The following ADGRG4 variants were observed in gnomAD, a reference collection of about 807,000 sequenced individuals.
ADGRG4 encodes G protein-coupled receptor 112.
A neutral mutation model predicts 126.2 loss-of-function variants in ADGRG4; 122 were observed. The ratio of observed to expected loss-of-function variants is 0.97; its 90% CI spans 0.83 to 1.12. The LOEUF is 1.12. Ranked by LOEUF, ADGRG4 falls within the 50% of genes most tolerant of loss-of-function variation. ADGRG4 has a pLI of 0.00. For missense variants in ADGRG4, 2,481 were observed against 2,251.8 expected, an observed-to-expected ratio of 1.10 and a Z score of -2.06; for synonymous variants, 943 against 838.7, an observed-to-expected ratio of 1.12 and a Z score of -2.15.
At chrX:136,322,006 G>C (rs1001528080) in intron 4 of ADGRG4, among the ~76,000 whole-genome samples, 1 of 111,912 alleles carries the variant, frequency 8.9e-6, no homozygotes, top group Non-Finnish European at 1.9e-5. Context: ...AGGAGGGTAA[G>C]TTACTTGCTC....
At position 136,348,479 on chromosome X, in the gene ADGRG4, A is replaced by G. The variant is rs750850777; in HGVS notation, c.4773A>G (p.Leu1591=). ...CAAGAGTTGGGTTATTCTCTACTTT[A>G]TTGTCTTCAGTTACCCCCAGGACTA... is the stretch of plus-strand genomic sequence containing the variant. ...TSTRVGLFST[L]LSSVTPRTTM... Residue 1591 remains leucine, a synonymous_variant, in exon 6 of 26, where the codon TTA becomes TTG. Transcript: ENST00000394143. 1 of 1,209,666 alleles carries G rather than the reference A, an allele frequency of 8.3e-7. No homozygotes were observed. Among genetic ancestry groups the G allele is most frequent in the South Asian group, 1.8e-5 (1 of 56,900 alleles).
intron 7 of ADGRG4, among the ~76,000 whole-genome samples, chrX:136,352,562 T>G (rs1311701392): frequency 9.0e-6 from 1 of 111,620 alleles, no homozygotes; most frequent in Non-Finnish European, 1.9e-5. Flanking sequence ...AGAAGTAAAT[T>G]TTAAGGCACT....
At chrX:136,322,456 C>T (rs2074844832) in intron 4 of ADGRG4, among the ~76,000 whole-genome samples, 1 of 111,630 alleles carries the variant, frequency 9.0e-6, no homozygotes, top group Admixed American at 9.5e-5. Flanking sequence ...TTGGCCTCTT[C>T]CCTACCCTTT....
At chrX:136,389,102 T>G (rs1455596120) in intron 16 of ADGRG4, among the ~76,000 whole-genome samples, 9 of 111,781 alleles carry the variant, frequency 8.1e-5, no homozygotes, top group Non-Finnish European at 3.8e-5. Context: ...TAAGACTTTC[T>G]GTTCCCCTGG....
chrX:136,321,104 C>T (rs1461307485), intron 4 of ADGRG4, among the ~76,000 whole-genome samples: 1 of 111,750 alleles, frequency 8.9e-6, no homozygotes, highest in Non-Finnish European at 1.9e-5. Context: ...AGGCAGTTAA[C>T]CAACAATAAT....
chrX:136,406,085 A>C, intron 23 of ADGRG4, 113 bp downstream of exon 23: 1 of 793,831 alleles, frequency 1.3e-6, no homozygotes, highest in Non-Finnish European at 1.8e-6. Flanking sequence ...AGTCTTCATT[A>C]AATGCACCCA....
chrX:136,357,859 G>A, intron 10 of ADGRG4, 103 bp downstream of exon 10: 1 of 529,054 alleles, frequency 1.9e-6, no homozygotes, highest in East Asian at 3.5e-5. Flanking sequence ...GTTGTCAGAA[G>A]AAGATCAAAG....
chrX:136,404,942 C>T (rs1421683367), intron 22 of ADGRG4, among the ~76,000 whole-genome samples: 1 of 112,199 alleles, frequency 8.9e-6, no homozygotes, highest in Non-Finnish European at 1.9e-5. Flanking sequence ...GCTAAGTTGA[C>T]ACACAGTTAA....
intron 25 of ADGRG4, among the ~76,000 whole-genome samples, chrX:136,416,105 A>G (rs1199564109): frequency 8.9e-6 from 1 of 112,099 alleles, no homozygotes; most frequent in Non-Finnish European, 1.9e-5. Context: ...AAGAATATCA[A>G]ATATGTAAGG....
intron 14 of ADGRG4, among the ~76,000 whole-genome samples, chrX:136,371,803 A>G (rs1255895376): frequency 9.0e-6 from 1 of 111,709 alleles, no homozygotes; most frequent in Admixed American, 9.5e-5. Flanking sequence ...TAAAATATAC[A>G]TTGATGTTCA....
chrX:136,380,577 T>TTCTTCTTCC (rs1405306693), intron 15 of ADGRG4, among the ~76,000 whole-genome samples: 3 of 84,106 alleles, frequency 3.6e-5, no homozygotes, highest in African/African-American at 1.4e-4. Flanking sequence ...CCTCTTCTTC[T>TTCTTCTTCC]TCCTCCTCCT....
Position 136,359,290 on chromosome X carries a change from AGTTGT to A in ADGRG4, c.6983_6987del (p.Cys2328LeufsTer15), listed in dbSNP as rs1365522410. The A allele has an allele frequency of 1.4e-5, 17 of 1,198,046 alleles. No homozygotes were observed. Among genetic ancestry groups the A allele is most frequent in the Non-Finnish European group, 1.9e-5 (17 of 889,564 alleles). On this transcript the variant is annotated splice_acceptor_variant and coding_sequence_variant, in exon 11 of 26. Transcript: ENST00000394143. LOFTEE classifies it high-confidence loss of function. ...ATCTTTCTTTTTTATTCTGCTTTGT[AGTTGT>A]GTTTGTCAGGTCATCATAAAAGCCA...
In ADGRG4 at chrX:136,349,153, C is replaced by T; in HGVS notation, c.5447C>T (p.Thr1816Ile). The stretch of plus-strand genomic sequence containing the variant: ...ACAAACTATGCCACATCTTTGAATA[C>T]CCCTGTTTCATACCCTCCATGGACC... ...SLTNYATSLN[T>I]PVSYPPWTPS... Residue 1816 changes from threonine (T) to isoleucine (I), a missense_variant, in exon 6 of 26, where the codon ACC becomes ATC. Transcript: ENST00000394143. 1 of 1,197,803 alleles carries T rather than the reference C, an allele frequency of 8.3e-7. No homozygotes were observed. Among genetic ancestry groups the T allele is most frequent in the Non-Finnish European group, 1.1e-6 (1 of 883,311 alleles).
chrX:136,400,783 G>C (rs1274520486), intron 21 of ADGRG4, among the ~76,000 whole-genome samples: 1 of 112,265 alleles, frequency 8.9e-6, no homozygotes, highest in East Asian at 2.8e-4. Flanking sequence ...TGCTGGCCTT[G>C]GAAGAAGCCA....
Position 136,399,954 on chromosome X carries a change from A to G in ADGRG4, c.8413A>G (p.Lys2805Glu). Residue 2805 changes from lysine to glutamate, a missense_variant, in exon 21 of 26, where the codon AAA (lysine) becomes GAA (glutamate). Coordinates refer to ENST00000394143, the MANE Select transcript of ADGRG4 (RefSeq NM_153834.4). ...CAATTCTTGGTTGTCATCATTTCAG[A>G]AAGTGGGAGTTTGTATCACAGCTGC... Reference protein sequence around the residue: ...LINSWLSSFQKVGVCITAAVA... With the variant: ...LINSWLSSFQEVGVCITAAVA... The G allele has an allele frequency of 2.5e-6, 3 of 1,211,371 alleles. No individual in the cohort carries two copies. In the South Asian group the frequency reaches 5.3e-5, roughly 21 times the overall value.
Position 136,348,832 on chromosome X carries a change from C to T in ADGRG4, c.5126C>T (p.Ala1709Val), listed in dbSNP as rs1298751247. The change falls in exon 6 of 26, where the codon GCA (alanine) becomes GTA (valine). Residue 1709 changes from alanine (A) to valine (V), a missense_variant. Coordinates refer to ENST00000394143, the MANE Select transcript of ADGRG4 (RefSeq NM_153834.4). ...TCAGCAACTCAACAGTCATCACAAG[C>T]AGATGAGGCTACAACTTTGGGCATA... Reference protein sequence around the residue: ...FLSATQQSSQADEATTLGILS... With the variant: ...FLSATQQSSQVDEATTLGILS... 6.6e-6 allele frequency: 8 copies of T among 1,209,308 alleles called. No homozygotes were observed. Among genetic ancestry groups the T allele is most frequent in the Admixed American group, 2.2e-5 (1 of 45,714 alleles).
chrX:136,303,727 T>G (rs1440068443), intron 1 of ADGRG4, among the ~76,000 whole-genome samples: 1 of 111,362 alleles, frequency 9.0e-6, no homozygotes, highest in Non-Finnish European at 1.9e-5. Context: ...GCATAGATGA[T>G]TTTTTCCTCC....
In ADGRG4 at chrX:136,347,455, G is replaced by A. The variant is rs1237016920; in HGVS notation, c.3749G>A (p.Ser1250Asn). The change falls in exon 6 of 26, where the codon AGC becomes AAC. Residue 1250 changes from serine (S) to asparagine (N), a missense_variant. Physicochemically the swap from Ser to Asn is conservative, Grantham distance 46. Transcript: ENST00000394143. The part of the protein sequence containing the change: ...HTPVSIQLVT[S>N]TSVLSSDKDQ... Reference sequence around the variant, plus strand: ...CCAGTGTCCATCCAGTTGGTGACTAGCACCTCTGTCTTATCTTCCGACAAA... The same window carrying A: ...CCAGTGTCCATCCAGTTGGTGACTAACACCTCTGTCTTATCTTCCGACAAA... The A allele has an allele frequency of 8.3e-7, 1 of 1,208,177 alleles. No homozygotes were observed. Among genetic ancestry groups the A allele is most frequent in the Non-Finnish European group, 1.1e-6 (1 of 892,184 alleles).
rs755054020 is a variant in ADGRG4, at chrX:136,346,079, T to C, written c.2373T>C (p.Thr791=). ...TVVPSVDIIS[T]LACIQPNFST... Reference sequence around the variant, plus strand: ...TTCCATCAGTAGATATAATATCTACTCTTGCTTGCATTCAACCAAATTTTT... The same window carrying C: ...TTCCATCAGTAGATATAATATCTACCCTTGCTTGCATTCAACCAAATTTTT... The change falls in exon 6 of 26, where the codon ACT becomes ACC. Residue 791 remains threonine, a synonymous_variant. Transcript: ENST00000394143. The C allele has an allele frequency of 8.3e-7, 1 of 1,210,213 alleles. No homozygotes were observed. Among genetic ancestry groups the C allele is most frequent in the Admixed American group, 2.2e-5 (1 of 45,912 alleles).
Sources: allele counts gnomAD v4.1 joint callset (sites outside exome capture counted in the v4.1 genomes callset), GRCh38; gene constraint gnomAD v4.1.1; transcripts MANE v1.5; gene names NCBI Gene and HGNC (gene_info 2026-07-23, HGNC 2026-07-21).